The following AK8 variants were observed in gnomAD, a reference collection of about 807,000 sequenced individuals.
The protein encoded by AK8 is adenylate kinase 8, also known as ATP-AMP transphosphorylase 8.
In AK8, 44 loss-of-function variants were observed where a neutral mutation model predicts 54.6. That is an observed-to-expected ratio of 0.81 (90% confidence interval 0.63 to 1.04). AK8 has a LOEUF of 1.04. Ranked by LOEUF, AK8 falls within the 50% of genes least tolerant of loss-of-function variation. AK8 has a pLI of 0.00. For synonymous variants in AK8, 239 were observed against 245.6 expected (o/e 0.97, Z 0.25); for missense variants, 555 against 613.6 (o/e 0.90, Z 1.01).
At chr9:132,779,694 T>G (rs936582493) in intron 11 of AK8, among the ~76,000 whole-genome samples, 1 of 152,054 alleles carries the variant, frequency 6.6e-6, no homozygotes, top group African/African-American at 2.4e-5. Flanking sequence ...GCTGTGAGGT[T>G]AAAAGAGTAG....
intron 11 of AK8, among the ~76,000 whole-genome samples, chr9:132,752,385 G>A (rs1370867568): frequency 6.6e-6 from 1 of 151,712 alleles, no homozygotes; most frequent in African/African-American, 2.4e-5. Context: ...GAGCAGCTGG[G>A]ACTATAGGCG....
In AK8 at chr9:132,792,877, G is replaced by C. The variant is rs1048615842; in HGVS notation, c.980-102C>G. ...CATAGATTGAGCTGCTGAAGAAGTG[G>C]GTCTAGGTGGAGCCACTTGGAACCA... On this transcript the variant is annotated intron_variant, in intron 10 of 12. Transcript: ENST00000298545. 2.1e-6 allele frequency: 3 copies of C among 1,407,344 alleles called. No individual in the cohort carries two copies. The African/African-American group carries it at 4.3e-5, about 20-fold the overall frequency. The allele number at this position is 1,407,344 out of a possible 1,614,324, so 87.2% of individuals were successfully genotyped here.
rs1441565709 is a variant in AK8, at chr9:132,875,160, G to T, written c.124C>A (p.Pro42Thr). The T allele has an allele frequency of 1.2e-6, 2 of 1,614,044 alleles. No individual in the cohort carries two copies. The highest frequency in any genetic ancestry group is 1.7e-6 in the Non-Finnish European group (2 of 1,180,042). Residue 42 changes from proline (P) to threonine (T), a missense_variant, in exon 2 of 13, where the codon CCC becomes ACC. By Grantham distance (38) the Pro-to-Thr change is conservative (BLOSUM62 -1). Coordinates refer to ENST00000298545, the MANE Select transcript of AK8 (RefSeq NM_152572.3). ...AAGTGCTGGATCATGAAGGGGATGG[G>T]ATCTTCGGGCTGGTGGATCAGGAGT... is the stretch of plus-strand genomic sequence containing the variant. Reference protein sequence around the residue: ...EQLLIHQPEDPIPFMIQHLHR... With the variant: ...EQLLIHQPEDTIPFMIQHLHR...
chr9:132,811,347 G>A (rs1050793600), intron 10 of AK8, among the ~76,000 whole-genome samples: 2 of 152,188 alleles, frequency 1.3e-5, no homozygotes, highest in African/African-American at 2.4e-5. Context: ...GAGGTAAGAG[G>A]GTCAGAGTCA....
intron 11 of AK8, among the ~76,000 whole-genome samples, chr9:132,772,880 C>T (rs1367733193): frequency 6.6e-6 from 1 of 152,222 alleles, no homozygotes; most frequent in Non-Finnish European, 1.5e-5. Context: ...ACAGCTACCA[C>T]CCTGGTCCAG....
upstream of AK8, chr9:132,878,420 C>T (rs1436249004): frequency 2.4e-6 from 3 of 1,235,128 alleles, no homozygotes; most frequent in African/African-American, 1.6e-5. The surrounding 1 kb of genome is among the most constrained non-coding windows in gnomAD (Gnocchi z 4.7). Flanking sequence ...CCCCGGCTGA[C>T]GCGCTCTGCG....
chr9:132,847,710 G>A (rs1842803882), intron 5 of AK8, among the ~76,000 whole-genome samples: 1 of 152,212 alleles, frequency 6.6e-6, no homozygotes, highest in South Asian at 2.1e-4. Flanking sequence ...GCCAGGCATG[G>A]TGGCTCATGC....
intron 11 of AK8, chr9:132,768,841 T>C (rs1838833079): frequency 6.6e-6 from 1 of 152,162 alleles, no homozygotes. Context: ...ATGTCCATAA[T>C]ATTTTATTAA....
rs199977482 is a variant in AK8, at chr9:132,773,971, A to AG, written c.1121+18662dup. Among the ~76,000 whole-genome samples, 11 of 152,260 alleles carry AG rather than the reference A, an allele frequency of 7.2e-5. No individual in the cohort carries two copies. The East Asian group carries it at 2.1e-3, about 29-fold the overall frequency. On this transcript the variant is annotated intron_variant, in intron 11 of 12. Coordinates refer to ENST00000298545, the MANE Select transcript of AK8 (RefSeq NM_152572.3). ...GAAGTGGGTAGGTGTGCTAAGGTGT[A>AG]GGGGGGAGACGGGAGTGGTAGATAG...
At chr9:132,784,519 A>G (rs1484850718) in intron 11 of AK8, among the ~76,000 whole-genome samples, 1 of 152,144 alleles carries the variant, frequency 6.6e-6, no homozygotes, top group East Asian at 1.9e-4. Flanking sequence ...ATCAAGAAAG[A>G]AAGAAAGAAA....
chr9:132,759,153 G>A (rs1282388794), intron 11 of AK8, among the ~76,000 whole-genome samples: 4 of 141,872 alleles, frequency 2.8e-5, no homozygotes, highest in Non-Finnish European at 6.0e-5. Flanking sequence ...CTGTGATCAC[G>A]CCACTGCACT....
chr9:132,852,862 AAGGGTGAATGCTTTGTGTT>A (rs1213941929), intron 5 of AK8, among the ~76,000 whole-genome samples: 4 of 151,672 alleles, frequency 2.6e-5, no homozygotes, highest in Non-Finnish European at 5.9e-5. Context: ...ACAACAGCAA[AAGGGTGAATGCTTTGTGTT>A]ATTGGAGTTG....
intron 11 of AK8, among the ~76,000 whole-genome samples, chr9:132,779,089 A>G (rs2809247): frequency 0.68 from 102,754 of 151,918 alleles, 34,853 homozygotes; most frequent in East Asian, 0.81. Context: ...CAAGCAGGTC[A>G]CCATTAGAGA....
rs182770825 is a variant in AK8 at position 132,793,608 on chromosome 9, C to T, written c.980-833G>A. Among the ~76,000 whole-genome samples the T allele has an allele frequency of 4.5e-4, 68 of 152,286 alleles. 1 individual carries two copies. Among genetic ancestry groups the T allele is most frequent in the Admixed American group, 3.7e-3 (56 of 15,300 alleles). ...CCAAGAATCACAGAACTAGTTATAA[C>T]CAAAGACTGAAATAAAGTCCTAAGG... On this transcript the variant is annotated intron_variant, in intron 10 of 12. Transcript: ENST00000298545.
chr9:132,877,702 CCTCT>C lies in AK8; in HGVS notation c.84+466_84+469del, dbSNP rs746177230. The C allele has an allele frequency of 1.0e-4, 39 of 383,168 alleles. No homozygotes were observed. In the East Asian group the frequency reaches 2.5e-3, roughly 25 times the overall value. 23.7% of individuals were successfully genotyped at this position (383,168 alleles called of 1,614,324 possible). A position where few individuals can be genotyped will look rare whatever the true frequency, so the allele number is the denominator to read the frequency against. Reference sequence around the variant, plus strand: ...GAGATGCTGCTGTCCCAGAGGCGGCCCTCTCTGAGGATGGAGATGCCAGCTTGAA... The same window carrying C: ...GAGATGCTGCTGTCCCAGAGGCGGCCCTGAGGATGGAGATGCCAGCTTGAA... On this transcript the variant is annotated intron_variant, in intron 1 of 12. Coordinates refer to ENST00000298545, the MANE Select transcript of AK8 (RefSeq NM_152572.3).
chr9:132,798,422 A>G (rs1840280486), intron 10 of AK8, among the ~76,000 whole-genome samples: 1 of 152,198 alleles, frequency 6.6e-6, no homozygotes, highest in Non-Finnish European at 1.5e-5. Flanking sequence ...GTGCTCTGCC[A>G]GAAGTTTCGA....
At chr9:132,727,228 C>T (rs997816833) in intron 12 of AK8, among the ~76,000 whole-genome samples, 11 of 152,182 alleles carry the variant, frequency 7.2e-5, no homozygotes, top group Admixed American at 7.2e-4. Flanking sequence ...GTGAACATTT[C>T]ACCATTGTGT....
In AK8 at chr9:132,860,654, C is replaced by T. The variant is rs1843349602; in HGVS notation, c.333+3011G>A. On this transcript the variant is annotated intron_variant, in intron 4 of 12. Coordinates refer to ENST00000298545, the MANE Select transcript of AK8 (RefSeq NM_152572.3). This position sits in a 1 kb window ranked among gnomAD's most constrained non-coding sequence, Gnocchi z 4.4. ...TGGAAGCAGGAACAAAAACTAGAGACACTGCCAGTTATTAATCATGCCCTG... is the reference window on the plus strand; with the variant it reads ...TGGAAGCAGGAACAAAAACTAGAGATACTGCCAGTTATTAATCATGCCCTG... 6.6e-6 allele frequency among the ~76,000 whole-genome samples: 1 copy of T among 152,232 alleles called. No homozygotes were observed. Among genetic ancestry groups the T allele is most frequent in the Non-Finnish European group, 1.5e-5 (1 of 68,044 alleles).
chr9:132,733,463 A>G (rs1421989738), intron 11 of AK8, among the ~76,000 whole-genome samples: 1 of 152,228 alleles, frequency 6.6e-6, no homozygotes, highest in Non-Finnish European at 1.5e-5. Flanking sequence ...AACAAGCCCC[A>G]TTTGAAAGAC....
Sources: allele counts gnomAD v4.1 joint callset (sites outside exome capture counted in the v4.1 genomes callset), GRCh38; gene constraint gnomAD v4.1.1; non-coding constraint Gnocchi (gnomAD v3.1); transcripts MANE v1.5; gene names NCBI Gene and HGNC (gene_info 2026-07-23, HGNC 2026-07-21).